Variants in WDFY1 observed in about 807,000 individuals in gnomAD.
The protein encoded by WDFY1 is WD repeat and FYVE domain containing 1.
WDFY1 carries 32 observed loss-of-function variants against 56.4 expected under a neutral mutation model. That is an observed-to-expected ratio of 0.57 (90% CI 0.43 to 0.76). The LOEUF is 0.76. Ranked by LOEUF, WDFY1 falls within the 30% of genes least tolerant of loss-of-function variation. The probability of loss-of-function intolerance (pLI) is 0.00; values close to 1 mark genes in which losing one functional copy is unlikely to be tolerated. For missense variants in WDFY1, 480 were observed against 545.7 expected (o/e 0.88, Z 1.20); for synonymous variants, 192 against 197.3 (o/e 0.97, Z 0.23).
intron 3 of WDFY1, 21 bp downstream of exon 3, chr2:223,912,232 T>TA: frequency 6.3e-7 from 1 of 1,595,308 alleles, no homozygotes; most frequent in Non-Finnish European, 8.5e-7. Flanking sequence ...ATACAATAAA[T>TA]ACATTCTAAA....
chr2:223,913,469 TTGAC>T (rs1189316031), intron 2 of WDFY1, among the ~76,000 whole-genome samples: 1 of 152,186 alleles, frequency 6.6e-6, no homozygotes, highest in Non-Finnish European at 1.5e-5. Flanking sequence ...ACAATTAGAA[TTGAC>T]TATGAGCCTG....
At chr2:223,936,058 CTTTTT>C (rs375847263) in intron 1 of WDFY1, among the ~76,000 whole-genome samples, 2 of 105,654 alleles carry the variant, frequency 1.9e-5, no homozygotes, top group African/African-American at 7.5e-5. Flanking sequence ...TCCCAAAGTC[CTTTTT>C]TTTTTTTTTT....
chr2:223,888,428 T>C (rs1327801329), intron 8 of WDFY1, among the ~76,000 whole-genome samples: 1 of 152,076 alleles, frequency 6.6e-6, no homozygotes, highest in Non-Finnish European at 1.5e-5. Flanking sequence ...ATGTTTCAAT[T>C]ACCCAGAGCA....
chr2:223,907,608 C>T (rs372332385), intron 3 of WDFY1, among the ~76,000 whole-genome samples: 1 of 152,200 alleles, frequency 6.6e-6, no homozygotes. Context: ...AATGCACCAA[C>T]ACTGCACCAC....
chr2:223,912,579 C>T, intron 2 of WDFY1, among the ~76,000 whole-genome samples: 1 of 152,194 alleles, frequency 6.6e-6, no homozygotes, highest in South Asian at 2.1e-4. Flanking sequence ...CATGAAGCTT[C>T]ATCTGACTGA....
chr2:223,932,153 C>T (rs184890231), intron 1 of WDFY1, among the ~76,000 whole-genome samples: 308 of 121,580 alleles, frequency 2.5e-3, no homozygotes, highest in African/African-American at 9.3e-3. Context: ...GACGAAGTCT[C>T]GCTCTGTCAC....
intron 1 of WDFY1, 127 bp from the exon 2 acceptor site, chr2:223,918,137 C>A (rs1459822091): frequency 8.8e-6 from 7 of 799,720 alleles, no homozygotes; most frequent in African/African-American, 1.7e-5. Context: ...ACTAACTGGA[C>A]AAACTGGACA....
intron 1 of WDFY1, among the ~76,000 whole-genome samples, chr2:223,938,159 T>C (rs755101053): frequency 6.6e-6 from 1 of 152,192 alleles, no homozygotes; most frequent in Non-Finnish European, 1.5e-5. Context: ...ATCTTTAACT[T>C]GGGACAAACA....
chr2:223,886,015 CAG>C (rs1693169570), intron 8 of WDFY1, among the ~76,000 whole-genome samples: 1 of 152,152 alleles, frequency 6.6e-6, no homozygotes, highest in Non-Finnish European at 1.5e-5. Context: ...TTTGTTGAAA[CAG>C]AGGAAGCAGT....
intron 1 of WDFY1, among the ~76,000 whole-genome samples, chr2:223,941,726 C>T (rs1478547582): frequency 1.3e-4 from 20 of 152,180 alleles, no homozygotes; most frequent in Admixed American, 1.3e-3. Context: ...CTTGCCTGGC[C>T]AAGGTAGTGT....
At chr2:223,942,469 CG>C (rs1689322993) in intron 1 of WDFY1, among the ~76,000 whole-genome samples, 1 of 150,174 alleles carries the variant, frequency 6.7e-6, no homozygotes, top group Non-Finnish European at 1.5e-5. Flanking sequence ...CCACCCGCCT[CG>C]GCCTCCCAAA....
At position 223,882,058 on chromosome 2, in the gene WDFY1, T is replaced by C. The variant is rs752631169; in HGVS notation, c.948A>G (p.Lys316=). The C allele has an allele frequency of 6.2e-7, 1 of 1,613,654 alleles. No individual in the cohort carries two copies. Among genetic ancestry groups the C allele is most frequent in the South Asian group, 1.1e-5 (1 of 91,068 alleles). ...ACTTCCCGCAGACAGCCTGCCCGCA[T>C]TTCCTGCAGTGATGCTTCACAGGTG... is the stretch of plus-strand genomic sequence containing the variant. The part of the protein sequence containing the change: ...TLGLRQHHCR[K]CGQAVCGKCS... The change falls in exon 10 of 12, where the codon AAA becomes AAG. Residue 316 remains lysine (K), a synonymous_variant. Coordinates refer to ENST00000233055, the MANE Select transcript of WDFY1 (RefSeq NM_020830.5).
intron 8 of WDFY1, among the ~76,000 whole-genome samples, chr2:223,889,978 A>G (rs1693240646): frequency 6.6e-6 from 1 of 152,180 alleles, no homozygotes; most frequent in Admixed American, 6.5e-5. Flanking sequence ...GCAACTGTCA[A>G]TGAGTACACG....
chr2:223,906,955 C>CTTATTATTATTATT (rs1559168685), intron 3 of WDFY1, among the ~76,000 whole-genome samples: 5 of 65,848 alleles, frequency 7.6e-5, no homozygotes, highest in African/African-American at 1.9e-4. Flanking sequence ...TTACTACTAC[C>CTTATTATTATTATT]ATTATTATTA....
chr2:223,939,858 T>A (rs1161202188), intron 1 of WDFY1, among the ~76,000 whole-genome samples: 1 of 152,220 alleles, frequency 6.6e-6, no homozygotes, highest in African/African-American at 2.4e-5. Context: ...TTACCAAATG[T>A]TCCCTGGGTG....
intron 8 of WDFY1, 42 bp downstream of exon 8, chr2:223,894,192 G>A: frequency 6.2e-7 from 1 of 1,607,528 alleles, no homozygotes; most frequent in Non-Finnish European, 8.5e-7. Context: ...CAGGTTCCTG[G>A]GGGTCTCCCC....
intron 1 of WDFY1, 32 bp downstream of exon 1, chr2:223,945,116 T>G (rs1260276059): frequency 6.4e-7 from 1 of 1,559,528 alleles, no homozygotes; most frequent in Non-Finnish European, 8.6e-7. Context: ...CGTCGCGGAG[T>G]TCGGGCCGCC....
At chr2:223,891,382 C>CACAAAAAAAAAAAA (rs1693273833) in intron 8 of WDFY1, among the ~76,000 whole-genome samples, 1 of 60,112 alleles carries the variant, frequency 1.7e-5, no homozygotes, top group Non-Finnish European at 2.9e-5. Flanking sequence ...GACTCCGTCT[C>CACAAAAAAAAAAAA]AAAAAAAAAA....
At chr2:223,883,566 T>C (rs530230185) in intron 9 of WDFY1, among the ~76,000 whole-genome samples, 106 of 151,736 alleles carry the variant, frequency 7.0e-4, no homozygotes, top group Non-Finnish European at 7.0e-4. Flanking sequence ...TGAGCACTAA[T>C]AATTCCCTTC....
Sources: allele counts gnomAD v4.1 joint callset (sites outside exome capture counted in the v4.1 genomes callset), GRCh38; gene constraint gnomAD v4.1.1; transcripts MANE v1.5; gene names NCBI Gene and HGNC (gene_info 2026-07-23, HGNC 2026-07-21).